RANBP2: variants seen among roughly 807,000 people sequenced by gnomAD.
RANBP2 encodes the protein RAN binding protein 2.
Under a neutral mutation model 303.6 loss-of-function variants are expected in RANBP2, and 57 were observed. That is an observed-to-expected ratio of 0.19 (90% CI 0.15 to 0.23). The LOEUF (loss-of-function observed/expected upper bound fraction) is 0.23, where lower values mean the gene tolerates loss of function less well. Ranked by LOEUF, RANBP2 falls within the 10% of genes least tolerant of loss-of-function variation. The pLI is 1.00. For synonymous variants in RANBP2, 1,167 were observed against 1,301.5 expected (o/e 0.90, Z 2.23); for missense variants, 3,138 against 3,780.8 (o/e 0.83, Z 4.46).
the RANBP2 span, among the ~76,000 whole-genome samples, chr2:109,512,687 C>T: frequency 1.3e-5 from 2 of 152,110 alleles, no homozygotes; most frequent in African/African-American, 2.4e-5. Context: ...AAAGAGAAGC[C>T]GGGCAGGCTG....
At chr2:109,267,784 G>A in the RANBP2 span, among the ~76,000 whole-genome samples, 5 of 152,226 alleles carry the variant, frequency 3.3e-5, no homozygotes, top group Non-Finnish European at 5.9e-5. Flanking sequence ...TCCCTGGAGC[G>A]AGGCCGAGTC....
chr2:109,558,633 G>A, the RANBP2 span, among the ~76,000 whole-genome samples: 1 of 152,066 alleles, frequency 6.6e-6, no homozygotes, highest in African/African-American at 2.4e-5. Flanking sequence ...ACAAGCCTGC[G>A]ATTGGTGCTG....
At chr2:108,805,183 G>A in the RANBP2 span, among the ~76,000 whole-genome samples, 1 of 151,794 alleles carries the variant, frequency 6.6e-6, no homozygotes, top group Non-Finnish European at 1.5e-5. Flanking sequence ...TAGCTCTTTG[G>A]TCTCTTCTCT....
At chr2:108,941,942 G>A in the RANBP2 span, among the ~76,000 whole-genome samples, 1 of 152,224 alleles carries the variant, frequency 6.6e-6, no homozygotes, top group African/African-American at 2.4e-5. Context: ...CTGCTGCACA[G>A]AGAGGCCTGT....
At chr2:108,919,990 C>T in the RANBP2 span, among the ~76,000 whole-genome samples, 1 of 152,362 alleles carries the variant, frequency 6.6e-6, no homozygotes, top group African/African-American at 2.4e-5. Context: ...TACCTCCCCA[C>T]CAAGCACCCT....
At chr2:109,325,809 G>C in the RANBP2 span, among the ~76,000 whole-genome samples, 2 of 152,188 alleles carry the variant, frequency 1.3e-5, no homozygotes, top group Non-Finnish European at 1.5e-5. Context: ...TATTACTGCA[G>C]GGCAAAGATG....
the RANBP2 span, among the ~76,000 whole-genome samples, chr2:109,516,193 T>G: frequency 2.4e-3 from 362 of 152,112 alleles, 9 homozygotes; most frequent in East Asian, 0.056. Context: ...CTCCTGGCAC[T>G]CTACAACACA....
chr2:109,018,195 G>A, the RANBP2 span, among the ~76,000 whole-genome samples: 1 of 152,192 alleles, frequency 6.6e-6, no homozygotes, highest in Non-Finnish European at 1.5e-5. Context: ...CCACATGTAA[G>A]CCCATTGTGG....
At chr2:109,351,728 C>CT in the RANBP2 span, among the ~76,000 whole-genome samples, 1 of 152,206 alleles carries the variant, frequency 6.6e-6, no homozygotes, top group Non-Finnish European at 1.5e-5. Context: ...CCAGGCTTGC[C>CT]ATATCAGCCC....
At chr2:109,456,627 C>T in the RANBP2 span, among the ~76,000 whole-genome samples, 1 of 152,320 alleles carries the variant, frequency 6.6e-6, no homozygotes, top group African/African-American at 2.4e-5. Context: ...AGCTGGCTGT[C>T]CCCAGTTCTC....
At chr2:109,418,884 A>G in the RANBP2 span, among the ~76,000 whole-genome samples, 19 of 152,062 alleles carry the variant, frequency 1.2e-4, no homozygotes, top group Non-Finnish European at 1.8e-4. Context: ...AGGATTCTCT[A>G]TGTAGGAATT....
chr2:108,752,893 T>G, intron 12 of RANBP2, 105 bp from the exon 13 acceptor site: 1 of 1,601,484 alleles, frequency 6.2e-7, no homozygotes, highest in South Asian at 1.1e-5. Context: ...AGATACCATT[T>G]GGTTTTGACT....
chr2:109,090,525 G>A, the RANBP2 span, among the ~76,000 whole-genome samples: 3 of 152,124 alleles, frequency 2.0e-5, no homozygotes, highest in African/African-American at 7.2e-5. Context: ...GACGAGCATC[G>A]AGACCCTAGG....
chr2:108,769,238 C>T (rs3954216), intron 20 of RANBP2: 22 of 985,176 alleles, frequency 2.2e-5, no homozygotes, highest in East Asian at 1.1e-4. Context: ...TGTTAAAAAA[C>T]GAAATATTCT....
At chr2:108,997,738 A>C in the RANBP2 span, among the ~76,000 whole-genome samples, 1 of 151,986 alleles carries the variant, frequency 6.6e-6, no homozygotes, top group Non-Finnish European at 1.5e-5. Flanking sequence ...AAAAATACAA[A>C]AAATTAGCCG....
chr2:108,842,499 C>T, the RANBP2 span, among the ~76,000 whole-genome samples: 1 of 152,066 alleles, frequency 6.6e-6, no homozygotes, highest in East Asian at 1.9e-4. Context: ...GTTACCCATA[C>T]AGGTTTTTCA....
the RANBP2 span, among the ~76,000 whole-genome samples, chr2:109,726,325 G>A: frequency 1.3e-5 from 2 of 151,826 alleles, no homozygotes; most frequent in Non-Finnish European, 2.9e-5. Flanking sequence ...CAAGAGAATC[G>A]CTTGAACTCT....
chr2:108,856,215 A>G, the RANBP2 span, among the ~76,000 whole-genome samples: 139,119 of 152,210 alleles, frequency 0.91, 63,656 homozygotes, highest in East Asian at 1. Context: ...TTGTCACAGC[A>G]CTGGCCTGGG....
chr2:109,524,444 C>CAAAAAAAAAAAAA, the RANBP2 span, among the ~76,000 whole-genome samples: 105 of 84,390 alleles, frequency 1.2e-3, 3 homozygotes, highest in East Asian at 5.0e-3. Context: ...GACCCTGTCT[C>CAAAAAAAAAAAAA]AAAAAAAAAA....
Sources: gnomAD v4.1 joint callset for allele counts (sites outside exome capture counted in the v4.1 genomes callset) on GRCh38, gnomAD v4.1.1 for gene constraint, MANE v1.5 for transcripts, NCBI Gene and HGNC (gene_info 2026-07-23, HGNC 2026-07-21) for gene names.